The following EGFR variants were observed in gnomAD, a reference collection of about 807,000 sequenced individuals.
EGFR encodes epidermal growth factor receptor.
Under a neutral mutation model 143.0 loss-of-function variants are expected in EGFR, and 58 were observed. The observed-to-expected ratio is 0.41, with a 90% CI of 0.33 to 0.50. The LOEUF (loss-of-function observed/expected upper bound fraction) is 0.50, where lower values mean the gene tolerates loss of function less well. Among genes scored for constraint, EGFR ranks in the 20% least tolerant of loss-of-function variants. The pLI is 0.39. For missense variants in EGFR, 1,307 were observed against 1,579.0 expected, an observed-to-expected ratio of 0.83 and a Z score of 2.92; for synonymous variants, 613 against 594.4, an observed-to-expected ratio of 1.03 and a Z score of -0.45.
chr7:55,163,498 G>A lies in EGFR; in HGVS notation c.1632-235G>A, dbSNP rs1785808166. On this transcript the variant is annotated intron_variant, in intron 13 of 27. Transcript: ENST00000275493. ...TGCTTACCCAATATGCAAAAACTAT[G>A]CTGTAGAAAAAGCAGAAAAGATATC... Among the ~76,000 whole-genome samples, 3 of 152,304 alleles carry A rather than the reference G, an allele frequency of 2.0e-5. No homozygotes were observed. The South Asian group carries it at 6.2e-4, about 32-fold the overall frequency.
chr7:55,156,032 C>G (rs572044534), intron 8 of EGFR, 86 bp downstream of exon 8: 14 of 905,454 alleles, frequency 1.5e-5, no homozygotes, highest in Non-Finnish European at 2.5e-5. Flanking sequence ...AACACATCTT[C>G]CTCTTCTCAT....
At chr7:55,027,991 A>AT (rs1554311535) in intron 1 of EGFR, among the ~76,000 whole-genome samples, 633 of 54,742 alleles carry the variant, frequency 0.012, 2 homozygotes, top group Middle Eastern at 0.025. Context: ...AAAAAAAAAA[A>AT]ATATATATAT....
Position 55,042,633 on chromosome 7 carries a change from T to C in EGFR, c.88+23268T>C, listed in dbSNP as rs571837747. Among the ~76,000 whole-genome samples the C allele has an allele frequency of 4.7e-5, 7 of 150,484 alleles. No homozygotes were observed. In the South Asian group the frequency reaches 1.5e-3, roughly 31 times the overall value. Reference sequence around the variant, plus strand: ...ACTCTACGTATGTGCACGAGGTCGTTATAAAGCTCGAAAATATGGGCTCAC... The same window carrying C: ...ACTCTACGTATGTGCACGAGGTCGTCATAAAGCTCGAAAATATGGGCTCAC... On this transcript the variant is annotated intron_variant, in intron 1 of 27. Transcript: ENST00000275493.
chr7:55,152,418 T>A, intron 5 of EGFR, 128 bp from the exon 6 acceptor site: 1 of 862,050 alleles, frequency 1.2e-6, no homozygotes. Context: ...TTAGTTTGAA[T>A]GTGGTTTCGT....
Position 55,156,513 on chromosome 7 carries a change from C to T in EGFR, c.1007-20C>T, listed in dbSNP as rs1318138504. ...ATCCAACAAATGTGAACGGAATACACGTCTCTCTTATCTCTGCAGTGTGTA... is the reference window on the plus strand; with the variant it reads ...ATCCAACAAATGTGAACGGAATACATGTCTCTCTTATCTCTGCAGTGTGTA... On this transcript the variant is annotated intron_variant, in intron 8 of 27. Transcript: ENST00000275493. 1.9e-6 allele frequency: 3 copies of T among 1,614,036 alleles called. No homozygotes were observed. The highest frequency in any genetic ancestry group is 2.7e-5 in the African/African-American group (2 of 75,042).
intron 22 of EGFR, among the ~76,000 whole-genome samples, chr7:55,198,142 G>T (rs1787696642): frequency 2.0e-5 from 3 of 152,036 alleles, no homozygotes; most frequent in Admixed American, 6.6e-5. Context: ...GCTTTGTTTT[G>T]GTTGGTAGGC....
intron 1 of EGFR, among the ~76,000 whole-genome samples, chr7:55,054,271 G>T (rs1045606332): frequency 6.6e-6 from 1 of 152,108 alleles, no homozygotes; most frequent in African/African-American, 2.4e-5. Flanking sequence ...CCTCTAACTC[G>T]ACCTTGAGTG....
chr7:55,170,206 T>C (rs1786274539), intron 15 of EGFR: 1 of 1,602,386 alleles, frequency 6.2e-7, no homozygotes, highest in South Asian at 1.1e-5. Flanking sequence ...AACAGAGACC[T>C]GGAGAGCAGA....
intron 8 of EGFR, 97 bp from the exon 9 acceptor site, chr7:55,156,436 G>T: frequency 6.4e-7 from 1 of 1,555,714 alleles, no homozygotes; most frequent in South Asian, 1.1e-5. Flanking sequence ...CGGTTCCGGT[G>T]ACCGGAATTC....
intron 13 of EGFR, among the ~76,000 whole-genome samples, chr7:55,163,304 ACT>A (rs1448194819): frequency 3.9e-5 from 6 of 152,150 alleles, no homozygotes; most frequent in Non-Finnish European, 8.8e-5. Flanking sequence ...TGTGTTCCAC[ACT>A]CACCATTTTT....
At chr7:55,148,482 T>C (rs1333088087) in intron 4 of EGFR, among the ~76,000 whole-genome samples, 2 of 152,108 alleles carry the variant, frequency 1.3e-5, no homozygotes, top group Non-Finnish European at 2.9e-5. Context: ...CAATATAGCA[T>C]TGCTTTAAGA....
intron 1 of EGFR, among the ~76,000 whole-genome samples, chr7:55,132,012 T>G (rs1461051380): frequency 6.6e-6 from 1 of 151,552 alleles, no homozygotes; most frequent in African/African-American, 2.4e-5. Context: ...GCTCTTTTCT[T>G]TCGATTTTTG....
At chr7:55,058,136 C>T (rs893179427) in intron 1 of EGFR, among the ~76,000 whole-genome samples, 44 of 152,226 alleles carry the variant, frequency 2.9e-4, no homozygotes, top group African/African-American at 1.0e-3. Context: ...TGGCTCACGC[C>T]TGTAATCCCA....
At chr7:55,036,902 G>C (rs755305429) in intron 1 of EGFR, among the ~76,000 whole-genome samples, 2 of 152,168 alleles carry the variant, frequency 1.3e-5, no homozygotes, top group Non-Finnish European at 2.9e-5. Context: ...GAATAACACA[G>C]CTCCCTTCCT....
intron 1 of EGFR, 68 bp from the exon 2 acceptor site, chr7:55,142,218 G>A (rs2128925985): frequency 6.3e-7 from 1 of 1,592,850 alleles, no homozygotes; most frequent in Non-Finnish European, 8.6e-7. Context: ...TGGACCTTGA[G>A]GGATTGTTTT....
rs1787407972 is a variant in EGFR at position 55,191,794 on chromosome 7, C to T, written c.2545C>T (p.Gln849Ter). The change falls in exon 21 of 28, where the codon CAG becomes TAG. Residue 849 changes from glutamine (Q) to a stop codon, truncating the protein, a stop_gained. Transcript: ENST00000275493. LOFTEE classifies it high-confidence loss of function. ...AARNVLVKTP[Q>*]HVKITDFGLA... Reference sequence around the variant, plus strand: ...CAGGAACGTACTGGTGAAAACACCGCAGCATGTCAAGATCACAGATTTTGG... The same window carrying T: ...CAGGAACGTACTGGTGAAAACACCGTAGCATGTCAAGATCACAGATTTTGG... 6.2e-7 allele frequency: 1 copy of T among 1,614,106 alleles called. No homozygotes were observed. The highest frequency in any genetic ancestry group is 8.5e-7 in the Non-Finnish European group (1 of 1,180,030).
At position 55,044,724 on chromosome 7, in the gene EGFR, G is replaced by A. The variant is rs117437733; in HGVS notation, c.88+25359G>A. ...TAACACTTGTTTCCCGCCGCCCCCC[G>A]CATAACTCGTGTGTCCTAAAATACA... On this transcript the variant is annotated intron_variant, in intron 1 of 27. Coordinates refer to ENST00000275493, the MANE Select transcript of EGFR (RefSeq NM_005228.5). Among the ~76,000 whole-genome samples, 139 of 152,302 alleles carry A rather than the reference G, an allele frequency of 9.1e-4. 1 individual carries two copies. The Middle Eastern group carries it at 0.024, about 26-fold the overall frequency.
chr7:55,194,208 G>T (rs1333121389), intron 22 of EGFR, among the ~76,000 whole-genome samples: 1 of 149,490 alleles, frequency 6.7e-6, no homozygotes, highest in Non-Finnish European at 1.5e-5. Context: ...CCAGACAGAG[G>T]CCACATATAT....
intron 19 of EGFR, among the ~76,000 whole-genome samples, chr7:55,175,962 G>A (rs1265122302): frequency 6.6e-6 from 1 of 152,188 alleles, no homozygotes; most frequent in South Asian, 2.1e-4. Flanking sequence ...CTGTAAAATT[G>A]ATGATATACT....
Sources: gnomAD v4.1 joint callset for allele counts (sites outside exome capture counted in the v4.1 genomes callset) on GRCh38, gnomAD v4.1.1 for gene constraint, MANE v1.5 for transcripts, NCBI Gene and HGNC (gene_info 2026-07-23, HGNC 2026-07-21) for gene names.